Variants in ARID3B observed in about 807,000 individuals in gnomAD.
ARID3B encodes the protein AT-rich interaction domain 3B, also known as AT-rich interactive domain-containing protein 3B.
A neutral mutation model predicts 51.9 loss-of-function variants in ARID3B; 10 were observed. That is an observed-to-expected ratio of 0.19 (90% CI 0.12 to 0.33). ARID3B has a LOEUF of 0.33. ARID3B is among the 10% of genes least tolerant of loss of function. The probability of loss-of-function intolerance (pLI) is 1.00; values close to 1 mark genes in which losing one functional copy is unlikely to be tolerated. For missense variants in ARID3B, 483 were observed against 716.3 expected (o/e 0.67, Z 3.72); for synonymous variants, 205 against 279.5 (o/e 0.73, Z 2.66).
intron 2 of ARID3B, among the ~76,000 whole-genome samples, chr15:74,545,005 A>G (rs771596696): frequency 3.3e-4 from 50 of 152,144 alleles, no homozygotes; most frequent in Non-Finnish European, 5.3e-4. Context: ...GTTACTCTTA[A>G]TATAGGTTTT....
chr15:74,547,171 C>T (rs2061619042), intron 2 of ARID3B, among the ~76,000 whole-genome samples: 1 of 151,224 alleles, frequency 6.6e-6, no homozygotes. Flanking sequence ...CTTCCCCCTC[C>T]CCCGCCGACA....
Position 74,543,975 on chromosome 15 carries a change from A to AACAG in ARID3B, c.39_40insACAG (p.Gln14ThrfsTer71). 6.2e-7 allele frequency: 1 copy of AACAG among 1,601,068 alleles called. No homozygotes were observed. The highest frequency in any genetic ancestry group is 1.8e-5 in the Admixed American group (1 of 56,748). ...AGCAGCAGCAGCAGCAGCAGCAGCA[A>AACAG]CAACAGAAGCAGCCACACCTGGCTC... On this transcript the variant is annotated frameshift_variant, in exon 2 of 9. Coordinates refer to ENST00000346246, the MANE Select transcript of ARID3B (RefSeq NM_006465.4). LOFTEE classifies it high-confidence loss of function.
chr15:74,557,096 C>CT (rs1300709487), intron 2 of ARID3B, among the ~76,000 whole-genome samples: 5 of 151,956 alleles, frequency 3.3e-5, no homozygotes, highest in East Asian at 1.9e-4. Flanking sequence ...TATTTACTAA[C>CT]TTTTTTTAGC....
chr15:74,593,757 A>T (rs1033848462), intron 8 of ARID3B, among the ~76,000 whole-genome samples: 2 of 152,144 alleles, frequency 1.3e-5, no homozygotes, highest in East Asian at 3.9e-4. Flanking sequence ...CTTAGTATTC[A>T]TGACTGGGCA....
At chr15:74,593,371 C>G (rs2061811175) in intron 8 of ARID3B, 135 bp downstream of exon 8, 5 of 770,692 alleles carry the variant, frequency 6.5e-6, no homozygotes, top group Admixed American at 4.9e-5. Context: ...CTCAGAGTTG[C>G]AAAGGTCAAG....
At chr15:74,568,939 A>G (rs957561270) in intron 2 of ARID3B, among the ~76,000 whole-genome samples, 3 of 152,102 alleles carry the variant, frequency 2.0e-5, no homozygotes, top group Non-Finnish European at 1.5e-5. Flanking sequence ...TGCTTTCCTC[A>G]TCAACCTCTT....
intron 4 of ARID3B, among the ~76,000 whole-genome samples, chr15:74,578,179 G>T (rs8025908): frequency 0.25 from 34,558 of 140,438 alleles, 5,435 homozygotes; most frequent in East Asian, 0.55. Flanking sequence ...GTTTTTTTTT[G>T]TTTTTTTTGT....
intron 4 of ARID3B, chr15:74,573,443 C>T: frequency 1.8e-6 from 1 of 550,750 alleles, no homozygotes; most frequent in South Asian, 2.1e-5. Context: ...CTGATTTTGT[C>T]TCTTCTTCCA....
At chr15:74,570,496 A>C (rs1286163368) in intron 2 of ARID3B, among the ~76,000 whole-genome samples, 1 of 143,190 alleles carries the variant, frequency 7.0e-6, no homozygotes, top group African/African-American at 2.7e-5. Flanking sequence ...AAAAAAAAAA[A>C]AGTGTTTTCA....
At chr15:74,565,599 A>G (rs2061695155) in intron 2 of ARID3B, among the ~76,000 whole-genome samples, 1 of 152,242 alleles carries the variant, frequency 6.6e-6, no homozygotes, top group Non-Finnish European at 1.5e-5. Context: ...CCAGGTGGTC[A>G]AGGAGTAATC....
In ARID3B at chr15:74,583,954, C is replaced by T. The variant is rs1030668191; in HGVS notation, c.698-5866C>T. Among the ~76,000 whole-genome samples the T allele has an allele frequency of 2.0e-5, 3 of 152,190 alleles. No homozygotes were observed. In the South Asian group the frequency reaches 6.2e-4, roughly 31 times the overall value. On this transcript the variant is annotated intron_variant, in intron 4 of 8. Coordinates refer to ENST00000346246, the MANE Select transcript of ARID3B (RefSeq NM_006465.4). ...TGGAACAGTGCAACTACAAGCTGCA[C>T]GGCAGACTACCAGACACTGCTGCCT...
Position 74,589,914 on chromosome 15 carries a change from G to C in ARID3B, c.792G>C (p.Glu264Asp), listed in dbSNP as rs756713352. ...TGACCGAGAAGGGAGGCCTGGTGGA[G>C]ATCATCAACAAGAAGATCTGGAGGG... ...KLVTEKGGLV[E>D]IINKKIWREI... The change falls in exon 5 of 9, where the codon GAG (glutamate) becomes GAC (aspartate). Residue 264 changes from glutamate to aspartate, a missense_variant. By Grantham distance (45) the Glu-to-Asp change is conservative. Transcript: ENST00000346246. The C allele has an allele frequency of 2.7e-5, 43 of 1,614,028 alleles. No individual in the cohort carries two copies. Among genetic ancestry groups the C allele is most frequent in the Non-Finnish European group, 3.1e-5 (37 of 1,180,030 alleles).
At chr15:74,560,311 A>T (rs550363423) in intron 2 of ARID3B, among the ~76,000 whole-genome samples, 1 of 152,160 alleles carries the variant, frequency 6.6e-6, no homozygotes, top group Non-Finnish European at 1.5e-5. Flanking sequence ...AAAGTATATT[A>T]CAGAAGTAAT....
At chr15:74,556,436 A>T (rs1231692706) in intron 2 of ARID3B, among the ~76,000 whole-genome samples, 1 of 152,186 alleles carries the variant, frequency 6.6e-6, no homozygotes, top group African/African-American at 2.4e-5. Context: ...AGATGTAATA[A>T]TTTTTTTAAG....
chr15:74,597,209 C>T lies in ARID3B; in HGVS notation c.*1435C>T, dbSNP rs1043331684. The T allele has an allele frequency of 1.4e-5, 5 of 360,414 alleles. No homozygotes were observed. The highest frequency in any genetic ancestry group is 5.2e-5 in the East Asian group (1 of 19,246). The allele number at this position is 360,414 out of a possible 1,614,324, so 22.3% of individuals were successfully genotyped here. A position where few individuals can be genotyped will look rare whatever the true frequency, so the allele number is the denominator to read the frequency against. The stretch of plus-strand genomic sequence containing the variant: ...ACTCCACAGCTCCTCCTGGACCCTG[C>T]GCGGGAGCAGGCAGCTCCTGTGCTG... On this transcript the variant is annotated 3_prime_UTR_variant, in exon 9 of 9. Transcript: ENST00000346246.
At chr15:74,568,914 A>C (rs1208259400) in intron 2 of ARID3B, among the ~76,000 whole-genome samples, 1 of 152,146 alleles carries the variant, frequency 6.6e-6, no homozygotes, top group Non-Finnish European at 1.5e-5. Context: ...GCATGCAGCA[A>C]CCCTTCAACT....
chr15:74,589,060 CACTGTCG>C (rs1457654752), intron 4 of ARID3B, among the ~76,000 whole-genome samples: 3 of 78,356 alleles, frequency 3.8e-5, no homozygotes, highest in Admixed American at 2.0e-4. Flanking sequence ...AAGACAGTCT[CACTGTCG>C]CCCAGGCTGG....
chr15:74,570,054 TTTC>T (rs1437061270), intron 2 of ARID3B, among the ~76,000 whole-genome samples: 1 of 152,128 alleles, frequency 6.6e-6, no homozygotes, highest in Non-Finnish European at 1.5e-5. Context: ...CGGTGTCTCA[TTTC>T]TTTCCTGCTC....
At chr15:74,592,841 A>C (rs2061808904) in intron 7 of ARID3B, among the ~76,000 whole-genome samples, 1 of 152,208 alleles carries the variant, frequency 6.6e-6, no homozygotes, top group African/African-American at 2.4e-5. Context: ...TTTGCCCGTC[A>C]CTTGGAAAGT....
Sources: allele counts gnomAD v4.1 joint callset (sites outside exome capture counted in the v4.1 genomes callset), GRCh38; gene constraint gnomAD v4.1.1; transcripts MANE v1.5; gene names NCBI Gene and HGNC (gene_info 2026-07-23, HGNC 2026-07-21).